The following GPC5 variants were observed in gnomAD, a reference collection of about 807,000 sequenced individuals.
GPC5 encodes the protein glypican 5, also known as glypican-5.
Under a neutral mutation model 53.9 loss-of-function variants are expected in GPC5, and 47 were observed. The observed-to-expected ratio is 0.87, with a 90% CI of 0.69 to 1.11. The LOEUF (loss-of-function observed/expected upper bound fraction) is 1.11, where lower values mean the gene tolerates loss of function less well. Among genes scored for constraint, GPC5 ranks in the 50% most tolerant of loss-of-function variants. The pLI, the probability that GPC5 is intolerant of heterozygous loss-of-function variation, is 0.00. For missense variants in GPC5, 748 were observed against 713.1 expected (o/e 1.05, Z -0.56); for synonymous variants, 286 against 263.3 (o/e 1.09, Z -0.84).
chr13:92,534,111 A>G (rs1388175987), intron 7 of GPC5, among the ~76,000 whole-genome samples: 1 of 152,114 alleles, frequency 6.6e-6, no homozygotes, highest in Non-Finnish European at 1.5e-5. Context: ...ATATAGTGAG[A>G]TTTTATCTCT....
intron 3 of GPC5, among the ~76,000 whole-genome samples, chr13:91,714,019 T>C (rs762378854): frequency 1.3e-5 from 2 of 152,142 alleles, no homozygotes; most frequent in Non-Finnish European, 2.9e-5. Context: ...AGCCTCAGAA[T>C]AACCTTTCAA....
intron 5 of GPC5, among the ~76,000 whole-genome samples, chr13:91,771,650 G>A (rs779528422): frequency 6.6e-6 from 1 of 152,174 alleles, no homozygotes; most frequent in Admixed American, 6.5e-5. Flanking sequence ...AAGGACATGT[G>A]TAGGAGGAAA....
chr13:92,250,562 G>T (rs1594037227), intron 7 of GPC5, among the ~76,000 whole-genome samples: 1 of 152,028 alleles, frequency 6.6e-6, no homozygotes, highest in South Asian at 2.1e-4. Flanking sequence ...AGTCCTCAAA[G>T]TTGCAGGCCA....
chr13:92,769,404 G>GT (rs573639630), intron 7 of GPC5, among the ~76,000 whole-genome samples: 31,426 of 147,516 alleles, frequency 0.21, 3,403 homozygotes, highest in Middle Eastern at 0.28. Context: ...GTCCACCTGT[G>GT]TTTTTTTTTT....
intron 7 of GPC5, among the ~76,000 whole-genome samples, chr13:92,169,605 C>G (rs968233959): frequency 4.6e-5 from 7 of 151,968 alleles, no homozygotes; most frequent in Non-Finnish European, 1.0e-4. Flanking sequence ...AATTTCTTAC[C>G]TTTTATTCAA....
rs184586613 is a variant in GPC5 at position 91,538,837 on chromosome 13, C to G, written c.325+89915C>G. 2.8e-3 allele frequency among the ~76,000 whole-genome samples: 419 copies of G among 148,542 alleles called. 8 individuals carry two copies. The highest frequency in any genetic ancestry group is 9.8e-3 in the African/African-American group (390 of 39,812). On this transcript the variant is annotated intron_variant, in intron 2 of 7. Transcript: ENST00000377067. ...GACCTCATGGTCCACCCCGCCCCCC[C>G]CTCAGCCTCCCAAAGTGCTGGGATT...
chr13:91,928,258 C>T (rs1456260607), intron 6 of GPC5, among the ~76,000 whole-genome samples: 1 of 152,190 alleles, frequency 6.6e-6, no homozygotes, highest in Non-Finnish European at 1.5e-5. Flanking sequence ...CTTGGAGACA[C>T]TAGTTGAAGT....
chr13:92,020,451 T>G (rs574863794), intron 6 of GPC5, among the ~76,000 whole-genome samples: 1 of 152,208 alleles, frequency 6.6e-6, no homozygotes, highest in Non-Finnish European at 1.5e-5. Flanking sequence ...TGTGCAACAG[T>G]TTCAGGCTTT....
intron 2 of GPC5, among the ~76,000 whole-genome samples, chr13:91,453,759 A>C (rs1881349894): frequency 6.6e-6 from 1 of 152,028 alleles, no homozygotes; most frequent in Non-Finnish European, 1.5e-5. Flanking sequence ...CAGAAATAAA[A>C]TGAGAGATTC....
At chr13:91,801,577 C>T (rs2038137491) in intron 5 of GPC5, among the ~76,000 whole-genome samples, 1 of 152,090 alleles carries the variant, frequency 6.6e-6, no homozygotes. Context: ...GGTCCACCAA[C>T]AATAGAAACA....
At chr13:91,678,352 G>C (rs541689587) in intron 2 of GPC5, among the ~76,000 whole-genome samples, 4 of 152,214 alleles carry the variant, frequency 2.6e-5, no homozygotes, top group South Asian at 2.1e-4. Context: ...AGAATTTGTC[G>C]ATAGTATACT....
intron 6 of GPC5, among the ~76,000 whole-genome samples, chr13:92,109,313 T>G (rs1278755701): frequency 2.0e-5 from 3 of 152,098 alleles, no homozygotes; most frequent in East Asian, 3.9e-4. Flanking sequence ...GTCATCTGCC[T>G]ACTTTGGCCT....
At chr13:91,861,956 C>T (rs2064839786) in intron 5 of GPC5, among the ~76,000 whole-genome samples, 1 of 151,194 alleles carries the variant, frequency 6.6e-6, no homozygotes, top group African/African-American at 2.4e-5. Context: ...GTAACATTTC[C>T]TTTATTCCCT....
chr13:91,756,473 T>C, intron 5 of GPC5, 53 bp downstream of exon 5: 1 of 1,454,258 alleles, frequency 6.9e-7, no homozygotes, highest in Non-Finnish European at 9.3e-7. Flanking sequence ...TTGCTTTCTT[T>C]TTCTGAATCT....
At chr13:92,735,825 G>A (rs1888919527) in intron 7 of GPC5, among the ~76,000 whole-genome samples, 1 of 151,960 alleles carries the variant, frequency 6.6e-6, no homozygotes, top group South Asian at 2.1e-4. Context: ...TGTAAGTTAA[G>A]CATCTGTCTT....
intron 7 of GPC5, among the ~76,000 whole-genome samples, chr13:92,732,362 T>C (rs1888831100): frequency 6.6e-6 from 1 of 151,598 alleles, no homozygotes; most frequent in Non-Finnish European, 1.5e-5. Flanking sequence ...TTTTCCTCCT[T>C]TGAACACCAA....
At chr13:91,977,966 AG>A (rs2040321250) in intron 6 of GPC5, among the ~76,000 whole-genome samples, 1 of 143,094 alleles carries the variant, frequency 7.0e-6, no homozygotes, top group African/African-American at 2.9e-5. Flanking sequence ...AAAGAAAGAA[AG>A]AAAGAAAGAA....
intron 5 of GPC5, among the ~76,000 whole-genome samples, chr13:91,854,757 A>AT (rs1010583454): frequency 1.8e-4 from 28 of 151,836 alleles, no homozygotes; most frequent in Non-Finnish European, 3.5e-4. Context: ...TAAAACACTT[A>AT]TTTTTATAAA....
intron 7 of GPC5, among the ~76,000 whole-genome samples, chr13:92,420,843 T>C (rs1336733369): frequency 6.6e-6 from 1 of 152,228 alleles, no homozygotes; most frequent in Non-Finnish European, 1.5e-5. Context: ...TATGGCTGAA[T>C]AGCACTCCAT....
Sources: gnomAD v4.1 joint callset for allele counts (sites outside exome capture counted in the v4.1 genomes callset) on GRCh38, gnomAD v4.1.1 for gene constraint, MANE v1.5 for transcripts, NCBI Gene and HGNC (gene_info 2026-07-23, HGNC 2026-07-21) for gene names.